MGLL: variants seen among roughly 807,000 people sequenced by gnomAD.
MGLL encodes the protein lysophospholipase homolog.
In MGLL, 7 loss-of-function variants were observed where a neutral mutation model predicts 29.1. The ratio of observed to expected loss-of-function variants is 0.24; its 90% CI spans 0.14 to 0.45. The LOEUF (loss-of-function observed/expected upper bound fraction) is 0.45. Ranked by LOEUF, MGLL falls within the 20% of genes least tolerant of loss-of-function variation. MGLL has a pLI of 0.99. For synonymous variants in MGLL, 148 were observed against 168.3 expected (o/e 0.88, Z 0.93); for missense variants, 356 against 413.6 (o/e 0.86, Z 1.21).
rs2075237106 is a variant in MGLL, at chr3:127,691,244, A to G, written c.*954T>C. ...CTCGGGGGCTGCTGGCTTAGCTCCT[A>G]GAGCACAGAGCCCTCTGGCCCCACC... On this transcript the variant is annotated 3_prime_UTR_variant, in exon 8 of 8. Transcript: ENST00000265052. 2 of 152,642 alleles carry G rather than the reference A, an allele frequency of 1.3e-5. No homozygotes were observed. The highest frequency in any genetic ancestry group is 2.9e-5 in the Non-Finnish European group (2 of 68,140). 9.5% of individuals were successfully genotyped at this position (152,642 alleles called of 1,614,324 possible). A position where few individuals can be genotyped will look rare whatever the true frequency, so the allele number is the denominator to read the frequency against.
chr3:127,723,814 G>A (rs192498440), intron 3 of MGLL, among the ~76,000 whole-genome samples: 89 of 152,218 alleles, frequency 5.8e-4, no homozygotes, highest in African/African-American at 2.0e-3. Context: ...ATTGATATGG[G>A]TTGACTTGTG....
chr3:127,706,602 A>T (rs2075607343), intron 6 of MGLL, among the ~76,000 whole-genome samples: 1 of 152,220 alleles, frequency 6.6e-6, no homozygotes, highest in African/African-American at 2.4e-5. Flanking sequence ...ACATGGAGCC[A>T]TATGCCCAAG....
chr3:127,718,781 C>A (rs2075864116), intron 5 of MGLL, among the ~76,000 whole-genome samples: 2 of 152,200 alleles, frequency 1.3e-5, no homozygotes, highest in Admixed American at 6.5e-5. Context: ...ACTCTCCCTG[C>A]ATCCTCCTTC....
At chr3:127,820,729 TCTC>T (rs2077844097) in intron 2 of MGLL, among the ~76,000 whole-genome samples, 1 of 152,168 alleles carries the variant, frequency 6.6e-6, no homozygotes, top group Non-Finnish European at 1.5e-5. Flanking sequence ...TAGGAACTCT[TCTC>T]AGCACGTTAC....
chr3:127,691,881 C>A lies in MGLL; in HGVS notation c.*317G>T, dbSNP rs979540928. On this transcript the variant is annotated 3_prime_UTR_variant, in exon 8 of 8. Coordinates refer to ENST00000265052, the MANE Select transcript of MGLL (RefSeq NM_007283.7). Reference sequence around the variant, plus strand: ...TGGGAACACCAGGAATTCCTGGAACCCTTGTGGGAGCTGGGAGAGGCAGGG... The same window carrying A: ...TGGGAACACCAGGAATTCCTGGAACACTTGTGGGAGCTGGGAGAGGCAGGG... 2 of 360,964 alleles carry A rather than the reference C, an allele frequency of 5.5e-6. No homozygotes were observed. Among genetic ancestry groups the A allele is most frequent in the South Asian group, 5.0e-5 (2 of 39,836 alleles). 22.4% of individuals were successfully genotyped at this position (360,964 alleles called of 1,614,324 possible). A position where few individuals can be genotyped will look rare whatever the true frequency, so the allele number is the denominator to read the frequency against.
At chr3:127,699,829 G>A (rs1355085310) in intron 6 of MGLL, among the ~76,000 whole-genome samples, 2 of 152,208 alleles carry the variant, frequency 1.3e-5, no homozygotes, top group Non-Finnish European at 2.9e-5. Flanking sequence ...ATCTGGTGGG[G>A]CCCAGGGGTT....
chr3:127,748,126 A>C (rs962119828), intron 3 of MGLL, among the ~76,000 whole-genome samples: 2 of 152,118 alleles, frequency 1.3e-5, no homozygotes, highest in African/African-American at 4.8e-5. Flanking sequence ...AATATAAAAC[A>C]ACTTGCAACG....
At chr3:127,799,296 G>C (rs2077437757) in intron 2 of MGLL, 1 of 152,154 alleles carries the variant, frequency 6.6e-6, no homozygotes, top group South Asian at 2.1e-4. Context: ...CCAGGGGTGA[G>C]TGAAGCTATT....
intron 3 of MGLL, among the ~76,000 whole-genome samples, chr3:127,747,946 G>C (rs114188162): frequency 6.6e-6 from 1 of 152,146 alleles, no homozygotes; most frequent in East Asian, 1.9e-4. Context: ...CCTGGCACTC[G>C]GGGACCTGGT....
intron 2 of MGLL, among the ~76,000 whole-genome samples, chr3:127,788,118 C>G (rs763121806): frequency 6.6e-6 from 1 of 152,178 alleles, no homozygotes; most frequent in Non-Finnish European, 1.5e-5. Flanking sequence ...AGATCAATAA[C>G]GCCTGCCTCC....
chr3:127,703,667 G>A (rs1362701679), intron 6 of MGLL, among the ~76,000 whole-genome samples: 2 of 152,102 alleles, frequency 1.3e-5, no homozygotes, highest in African/African-American at 4.8e-5. Context: ...GACACCAAAA[G>A]CACAGGCAAC....
At chr3:127,694,219 G>T (rs547458814) in intron 7 of MGLL, among the ~76,000 whole-genome samples, 2 of 146,006 alleles carry the variant, frequency 1.4e-5, no homozygotes, top group Non-Finnish European at 3.0e-5. Context: ...GCTGTGAGCC[G>T]AGATGGCGCC....
At chr3:127,772,896 A>G (rs2076972990) in intron 3 of MGLL, among the ~76,000 whole-genome samples, 1 of 152,198 alleles carries the variant, frequency 6.6e-6, no homozygotes, top group Admixed American at 6.5e-5. Context: ...AGCATCATCT[A>G]TGAACCAGGA....
At position 127,761,175 on chromosome 3, in the gene MGLL, T is replaced by C. The variant is rs1191257884; in HGVS notation, c.262+20614A>G. Among the ~76,000 whole-genome samples, 1 of 152,186 alleles carries C rather than the reference T, an allele frequency of 6.6e-6. No homozygotes were observed. Among genetic ancestry groups the C allele is most frequent in the African/African-American group, 2.4e-5 (1 of 41,448 alleles). ...AGAGCAGAGGCCCCAGTTGCTGTGT[T>C]CAGATAACGTACAATTCCCTGTGGC... On this transcript the variant is annotated intron_variant, in intron 3 of 7. Coordinates refer to ENST00000265052, the MANE Select transcript of MGLL (RefSeq NM_007283.7). The surrounding 1 kb of genome is among the most constrained non-coding windows in gnomAD (Gnocchi z 4.6).
chr3:127,696,815 G>T (rs1398405390), intron 6 of MGLL, among the ~76,000 whole-genome samples: 1 of 151,534 alleles, frequency 6.6e-6, no homozygotes, highest in Non-Finnish European at 1.5e-5. Context: ...CAGAGAGCAT[G>T]TGGGGACGAG....
rs1470451682 is a variant in MGLL, at chr3:127,721,112, C to T, written c.451G>A (p.Gly151Ser). Residue 151 changes from glycine (G) to serine (S), a missense_variant, in exon 5 of 8, where the codon GGC becomes AGC. Coordinates refer to ENST00000265052, the MANE Select transcript of MGLL (RefSeq NM_007283.7). ...TAAERPGHFA[G>S]MVLISPLVLA... ...ACCAGAGGCGAAATGAGTACCATGCCGGCGAAGTGGCCCGGCCTCTCTGCG... is the reference window on the plus strand; with the variant it reads ...ACCAGAGGCGAAATGAGTACCATGCTGGCGAAGTGGCCCGGCCTCTCTGCG... The T allele has an allele frequency of 5.0e-6, 8 of 1,614,210 alleles. No individual in the cohort carries two copies. The highest frequency in any genetic ancestry group is 2.2e-5 in the East Asian group (1 of 44,890).
chr3:127,816,299 T>C (rs2077754333), intron 2 of MGLL, among the ~76,000 whole-genome samples: 1 of 151,958 alleles, frequency 6.6e-6, no homozygotes, highest in Admixed American at 6.6e-5. Flanking sequence ...CCTGGAACAC[T>C]GAACAAACAC....
At chr3:127,778,527 T>C (rs1232007917) in intron 3 of MGLL, among the ~76,000 whole-genome samples, 1 of 152,148 alleles carries the variant, frequency 6.6e-6, no homozygotes, top group Admixed American at 6.5e-5. Flanking sequence ...CTGGGTGTAT[T>C]AGTGTCTGAG....
At chr3:127,807,750 CTTTTTTTTTTTTTT>C (rs35444871) in intron 2 of MGLL, among the ~76,000 whole-genome samples, 3 of 59,464 alleles carry the variant, frequency 5.0e-5, no homozygotes, top group Non-Finnish European at 8.8e-5. Context: ...TGTGAAAAGT[CTTTTTTTTTTTTTT>C]TTTTTTTTTT....
Sources: allele counts gnomAD v4.1 joint callset (sites outside exome capture counted in the v4.1 genomes callset), GRCh38; gene constraint gnomAD v4.1.1; non-coding constraint Gnocchi (gnomAD v3.1); transcripts MANE v1.5; gene names NCBI Gene and HGNC (gene_info 2026-07-23, HGNC 2026-07-21).